CACNB4: variants seen among roughly 807,000 people sequenced by gnomAD.
CACNB4 encodes the protein voltage-dependent L-type calcium channel subunit beta-4.
A neutral mutation model predicts 71.2 loss-of-function variants in CACNB4; 32 were observed. The observed-to-expected ratio is 0.45, with a 90% CI of 0.34 to 0.60. The LOEUF (loss-of-function observed/expected upper bound fraction) is 0.60, where lower values mean the gene tolerates loss of function less well. CACNB4 is among the 20% of genes least tolerant of loss of function. The pLI, the probability that CACNB4 is intolerant of heterozygous loss-of-function variation, is 0.01. For synonymous variants in CACNB4, 231 were observed against 236.9 expected (o/e 0.97, Z 0.23); for missense variants, 464 against 647.9 (o/e 0.72, Z 3.08).
chr2:151,855,560 C>G (rs1483885972), intron 10 of CACNB4, among the ~76,000 whole-genome samples, 185 bp from the exon 11 acceptor site: 1 of 152,180 alleles, frequency 6.6e-6, no homozygotes, highest in African/African-American at 2.4e-5. Context: ...GTTTTGCATA[C>G]AACCAGTTGG....
At chr2:152,088,861 C>G (rs2105456403) in intron 2 of CACNB4, among the ~76,000 whole-genome samples, 1 of 152,310 alleles carries the variant, frequency 6.6e-6, no homozygotes, top group South Asian at 2.1e-4. Context: ...TGAGAACTAT[C>G]TTTAAGGAAT....
At chr2:151,899,217 G>A (rs1364442044) in intron 2 of CACNB4, among the ~76,000 whole-genome samples, 2 of 152,206 alleles carry the variant, frequency 1.3e-5, no homozygotes, top group Non-Finnish European at 2.9e-5. Context: ...TTCACACTCA[G>A]TACTTTAACA....
In CACNB4 at chr2:152,098,281, C is replaced by T; in HGVS notation, c.147+49G>A. ...ACGGCCGGCTCCAGGACCCCCGCGC[C>T]GCGCGCTCGGCCTCCTCCCCATCCT... On this transcript the variant is annotated intron_variant, in intron 2 of 13. Coordinates refer to ENST00000539935, the MANE Select transcript of CACNB4 (RefSeq NM_000726.5). This position sits in a 1 kb window ranked among gnomAD's most constrained non-coding sequence, Gnocchi z 5.3. 1 of 1,489,204 alleles carries T rather than the reference C, an allele frequency of 6.7e-7. No homozygotes were observed. The highest frequency in any genetic ancestry group is 1.1e-5 in the South Asian group (1 of 88,514). The allele number at this position is 1,489,204 out of a possible 1,614,324, so 92.2% of individuals were successfully genotyped here.
chr2:151,870,445 A>T, intron 8 of CACNB4, 86 bp downstream of exon 8: 1 of 1,155,446 alleles, frequency 8.7e-7, no homozygotes, highest in South Asian at 1.3e-5. Context: ...ACCCACGTGG[A>T]AACAGACCCT....
intron 2 of CACNB4, among the ~76,000 whole-genome samples, chr2:152,090,578 G>A (rs1314166150): frequency 1.3e-5 from 2 of 151,846 alleles, no homozygotes; most frequent in Middle Eastern, 3.4e-3. Flanking sequence ...GGGAGGCAGA[G>A]GTTGCAGTGA....
rs78595843 is a variant in CACNB4 at position 152,005,540 on chromosome 2, G to T, written c.147+92790C>A. Among the ~76,000 whole-genome samples, 1,025 of 152,128 alleles carry T rather than the reference G, an allele frequency of 6.7e-3. 13 individuals carry two copies. Among genetic ancestry groups the T allele is most frequent in the African/African-American group, 0.024 (980 of 41,462 alleles). The stretch of plus-strand genomic sequence containing the variant: ...TTCAAAAGGAGGGAGTGAGGGGGGC[G>T]GAAAAACTTCCTATTGGGTACTATG... On this transcript the variant is annotated intron_variant, in intron 2 of 13. Coordinates refer to ENST00000539935, the MANE Select transcript of CACNB4 (RefSeq NM_000726.5).
chr2:151,928,471 G>C (rs750091360), intron 2 of CACNB4, among the ~76,000 whole-genome samples: 1 of 152,148 alleles, frequency 6.6e-6, no homozygotes, highest in Non-Finnish European at 1.5e-5. Flanking sequence ...TCCCTAAAGG[G>C]ACAGGTGTGA....
chr2:152,065,592 C>A (rs899442704), intron 2 of CACNB4, among the ~76,000 whole-genome samples: 3 of 152,138 alleles, frequency 2.0e-5, no homozygotes, highest in African/African-American at 7.2e-5. Context: ...CAAATTCAGG[C>A]TCTTGGCTAT....
At chr2:152,097,651 C>A (rs1688345990) in intron 2 of CACNB4, among the ~76,000 whole-genome samples, 1 of 152,192 alleles carries the variant, frequency 6.6e-6, no homozygotes, top group Non-Finnish European at 1.5e-5. Context: ...CGAGCACAGA[C>A]AATTCGCACT....
chr2:151,948,858 T>C (rs1276032761), intron 2 of CACNB4, among the ~76,000 whole-genome samples: 2 of 152,140 alleles, frequency 1.3e-5, no homozygotes, highest in African/African-American at 4.8e-5. Flanking sequence ...GCTTCTCTCC[T>C]CCACCCTTCT....
At chr2:151,918,002 C>T (rs2099857978) in intron 2 of CACNB4, among the ~76,000 whole-genome samples, 1 of 152,074 alleles carries the variant, frequency 6.6e-6, no homozygotes, top group African/African-American at 2.4e-5. Context: ...CTTAACTCCC[C>T]CTCTCAATAT....
chr2:151,932,322 T>A (rs2099861823), intron 2 of CACNB4, among the ~76,000 whole-genome samples: 1 of 151,874 alleles, frequency 6.6e-6, no homozygotes, highest in African/African-American at 2.4e-5. Context: ...GATGACAAAT[T>A]TTTACCAGAT....
At chr2:152,048,649 G>A (rs1013451830) in intron 2 of CACNB4, 6 of 152,314 alleles carry the variant, frequency 3.9e-5, no homozygotes. Flanking sequence ...TCTCTACAGA[G>A]AGAAGCGTGT....
intron 2 of CACNB4, among the ~76,000 whole-genome samples, chr2:151,891,483 A>G (rs2099850704): frequency 6.6e-6 from 1 of 152,236 alleles, no homozygotes; most frequent in African/African-American, 2.4e-5. Flanking sequence ...AATTGCAAAC[A>G]TTGCAATTGT....
At chr2:151,853,601 A>G in intron 11 of CACNB4, 58 bp from the exon 12 acceptor site, 1 of 950,312 alleles carries the variant, frequency 1.1e-6, no homozygotes. Flanking sequence ...AAAATCAAAT[A>G]AGCCAGGATC....
intron 2 of CACNB4, among the ~76,000 whole-genome samples, chr2:152,064,977 G>A (rs4664076): frequency 0.25 from 37,581 of 151,994 alleles, 5,718 homozygotes; most frequent in East Asian, 0.76. Flanking sequence ...GCGCTCCTAT[G>A]AAACTTCAAG....
chr2:151,956,014 T>C (rs1560064949), intron 2 of CACNB4, among the ~76,000 whole-genome samples: 1 of 152,168 alleles, frequency 6.6e-6, no homozygotes, highest in Non-Finnish European at 1.5e-5. Flanking sequence ...GAGGGAGTAA[T>C]GTCCACAATT....
chr2:151,945,762 G>A (rs769525545), intron 2 of CACNB4, among the ~76,000 whole-genome samples: 4 of 151,874 alleles, frequency 2.6e-5, no homozygotes, highest in African/African-American at 7.3e-5. Flanking sequence ...AATAGTACGC[G>A]CCTGTAGTCA....
At chr2:151,927,261 G>C (rs2099860486) in intron 2 of CACNB4, among the ~76,000 whole-genome samples, 1 of 152,190 alleles carries the variant, frequency 6.6e-6, no homozygotes, top group South Asian at 2.1e-4. Flanking sequence ...AGGGGAAATT[G>C]GTGATGCAGG....
Sources: allele counts gnomAD v4.1 joint callset (sites outside exome capture counted in the v4.1 genomes callset), GRCh38; gene constraint gnomAD v4.1.1; non-coding constraint Gnocchi (gnomAD v3.1); transcripts MANE v1.5; gene names NCBI Gene and HGNC (gene_info 2026-07-23, HGNC 2026-07-21).